The following CEMIP2 variants were observed in gnomAD, a reference collection of about 807,000 sequenced individuals.
CEMIP2 encodes cell surface hyaluronidase CEMIP2.
Under a neutral mutation model 146.9 loss-of-function variants are expected in CEMIP2, and 79 were observed. That is an observed-to-expected ratio of 0.54 (90% CI 0.45 to 0.65). The LOEUF (loss-of-function observed/expected upper bound fraction) is 0.65. Ranked by LOEUF, CEMIP2 falls within the 30% of genes least tolerant of loss-of-function variation. CEMIP2 has a pLI of 0.00. For synonymous variants in CEMIP2, 601 were observed against 606.3 expected, an observed-to-expected ratio of 0.99 and a Z score of 0.13; for missense variants, 1,596 against 1,696.2, an observed-to-expected ratio of 0.94 and a Z score of 1.04.
At chr9:71,728,836 T>TGTGTGC (rs1554684985) in intron 10 of CEMIP2, among the ~76,000 whole-genome samples, 205 of 151,610 alleles carry the variant, frequency 1.4e-3, no homozygotes, top group Admixed American at 3.1e-3. Flanking sequence ...TGTGTGTGTG[T>TGTGTGC]GTGTGTTTTT....
intron 11 of CEMIP2, among the ~76,000 whole-genome samples, chr9:71,722,841 TA>T (rs1451211721): frequency 6.6e-6 from 1 of 152,066 alleles, no homozygotes; most frequent in Non-Finnish European, 1.5e-5. Flanking sequence ...AATAAATAAT[TA>T]CAATCCAAAA....
Position 71,746,310 on chromosome 9 carries a change from C to G in CEMIP2, c.363G>C (p.Arg121Ser). 6.2e-7 allele frequency: 1 copy of G among 1,613,902 alleles called. No homozygotes were observed. Among genetic ancestry groups the G allele is most frequent in the Non-Finnish European group, 8.5e-7 (1 of 1,179,874 alleles). Residue 121 changes from arginine to serine, a missense_variant, in exon 3 of 24, where the codon AGG becomes AGC. Coordinates refer to ENST00000377044, the MANE Select transcript of CEMIP2 (RefSeq NM_013390.3). Reference sequence around the variant, plus strand: ...CAGAATCTTGTCCTGGATCCCAATTCCTGAGACGAGGATTTTGATCTGGGC... The same window carrying G: ...CAGAATCTTGTCCTGGATCCCAATTGCTGAGACGAGGATTTTGATCTGGGC... The part of the protein sequence containing the change: ...ENCPDQNPRL[R>S]NWDPGQDSAK...
intron 21 of CEMIP2, among the ~76,000 whole-genome samples, chr9:71,692,255 G>A (rs1822251078): frequency 1.3e-5 from 2 of 149,436 alleles, no homozygotes; most frequent in Non-Finnish European, 3.0e-5. Flanking sequence ...TAACAACAGA[G>A]TCAAACAATG....
rs111777728 is a variant in CEMIP2 at position 71,718,052 on chromosome 9, G to T, written c.2295C>A (p.Pro765=). The part of the protein sequence containing the change: ...ARFRPHQDAN[P]EKPRVAALID... ...TTAGAGCAGCAACACGTGGTTTTTC[G>T]GGGTTTGCATCCTGATGAGGTCGAA... The change falls in exon 13 of 24, where the codon CCC becomes CCA. Residue 765 remains proline, a synonymous_variant. Transcript: ENST00000377044. 2.5e-6 allele frequency: 4 copies of T among 1,612,184 alleles called. No individual in the cohort carries two copies. Among genetic ancestry groups the T allele is most frequent in the African/African-American group, 1.3e-5 (1 of 74,828 alleles).
chr9:71,752,474 A>AGGGAAGGG (rs1564025990), intron 1 of CEMIP2, among the ~76,000 whole-genome samples: 15 of 65,702 alleles, frequency 2.3e-4, no homozygotes, highest in South Asian at 1.0e-3. Context: ...GGAAGGAAGG[A>AGGGAAGGG]AGGAAGGGGG....
intron 1 of CEMIP2, among the ~76,000 whole-genome samples, chr9:71,755,069 A>G (rs1310509396): frequency 6.6e-6 from 1 of 152,154 alleles, no homozygotes; most frequent in Non-Finnish European, 1.5e-5. Flanking sequence ...AAGCAGTTCA[A>G]AGTGAGAGAG....
intron 10 of CEMIP2, among the ~76,000 whole-genome samples, 188 bp from the exon 11 acceptor site, chr9:71,725,897 A>T (rs11142977): frequency 0.53 from 80,200 of 151,880 alleles, 24,753 homozygotes; most frequent in Non-Finnish European, 0.69. Context: ...GTATTTTTTT[A>T]AAAAAGCAAA....
At chr9:71,716,232 C>A (rs1300318451) in intron 14 of CEMIP2, among the ~76,000 whole-genome samples, 1 of 151,848 alleles carries the variant, frequency 6.6e-6, no homozygotes, top group African/African-American at 2.4e-5. Context: ...CCTCTTTTTT[C>A]CCCTACTTTT....
At chr9:71,724,502 T>A (rs192978624) in intron 11 of CEMIP2, among the ~76,000 whole-genome samples, 7 of 152,204 alleles carry the variant, frequency 4.6e-5, no homozygotes, top group Admixed American at 4.6e-4. Context: ...CACACTTAGG[T>A]TTTTAAAGGA....
At position 71,685,240 on chromosome 9, in the gene CEMIP2, C is replaced by G; in HGVS notation, c.4109G>C (p.Arg1370Thr). 6.2e-7 allele frequency: 1 copy of G among 1,613,582 alleles called. No individual in the cohort carries two copies. Among genetic ancestry groups the G allele is most frequent in the Non-Finnish European group, 8.5e-7 (1 of 1,179,852 alleles). The change falls in exon 24 of 24, where the codon AGA becomes ACA. Residue 1370 changes from arginine (R) to threonine (T), a missense_variant. By Grantham distance (71) the Arg-to-Thr change is moderately conservative. Coordinates refer to ENST00000377044, the MANE Select transcript of CEMIP2 (RefSeq NM_013390.3). ...YGCPRATTVRRRDLELLKQAS... is the reference protein window; with the variant it reads ...YGCPRATTVRTRDLELLKQAS... The stretch of plus-strand genomic sequence containing the variant: ...TTGCTTTAGCAGTTCCAGGTCTCTT[C>G]TGCGGACAGTGGTGGCTCTGGGACA...
intron 2 of CEMIP2, among the ~76,000 whole-genome samples, chr9:71,748,592 G>T (rs910733747): frequency 2.0e-5 from 3 of 152,222 alleles, no homozygotes; most frequent in African/African-American, 7.2e-5. Context: ...CTGCAGAAGA[G>T]TTGGGAAGTA....
At chr9:71,737,662 T>A (rs528121386) in intron 5 of CEMIP2, among the ~76,000 whole-genome samples, 1 of 152,282 alleles carries the variant, frequency 6.6e-6, no homozygotes, top group East Asian at 1.9e-4. Context: ...TGAGTCACCG[T>A]ACCCGGCTCT....
At chr9:71,708,404 G>A (rs936586482) in intron 17 of CEMIP2, among the ~76,000 whole-genome samples, 3 of 152,124 alleles carry the variant, frequency 2.0e-5, no homozygotes, top group African/African-American at 7.2e-5. Context: ...TATGTGCCAG[G>A]CCATATGCTA....
In CEMIP2 at chr9:71,722,495, T is replaced by A; in HGVS notation, c.2199A>T (p.Lys733Asn). Residue 733 changes from lysine (K) to asparagine (N), a missense_variant, in exon 12 of 24, where the codon AAA becomes AAT. Coordinates refer to ENST00000377044, the MANE Select transcript of CEMIP2 (RefSeq NM_013390.3). ...SNFKAGLFID[K>N]GVKTTNSSAA... ...CACTAGAGTTGGTTGTTTTGACACC[T>A]TTGTCAATAAATAAGCCAGCCTGAA... The A allele has an allele frequency of 6.2e-7, 1 of 1,613,308 alleles. No homozygotes were observed. The highest frequency in any genetic ancestry group is 8.5e-7 in the Non-Finnish European group (1 of 1,179,570).
At chr9:71,767,320 G>C (rs1224683050) in intron 1 of CEMIP2, among the ~76,000 whole-genome samples, 2 of 152,016 alleles carry the variant, frequency 1.3e-5, no homozygotes, top group Admixed American at 1.3e-4. Flanking sequence ...ACTTTTTACC[G>C]GGAAGAGCAG....
At chr9:71,689,698 T>G (rs1822170622) in intron 22 of CEMIP2, among the ~76,000 whole-genome samples, 1 of 152,216 alleles carries the variant, frequency 6.6e-6, no homozygotes, top group African/African-American at 2.4e-5. Context: ...AAAATAGTAA[T>G]AAGCCTTCTG....
At chr9:71,768,019 G>A (rs528844333) in intron 1 of CEMIP2, among the ~76,000 whole-genome samples, 2 of 152,280 alleles carry the variant, frequency 1.3e-5, no homozygotes, top group South Asian at 4.1e-4. Flanking sequence ...GACTTTGAAA[G>A]GTCCATTGTT....
At chr9:71,748,855 G>A (rs552233373) in intron 2 of CEMIP2, among the ~76,000 whole-genome samples, 1 of 152,264 alleles carries the variant, frequency 6.6e-6, no homozygotes, top group East Asian at 1.9e-4. Context: ...AAGCACCCAA[G>A]AAAACTAAAT....
rs1167369905 is a variant in CEMIP2, at chr9:71,698,064, T to C, written c.3518A>G (p.Gln1173Arg). The C allele has an allele frequency of 6.8e-6, 11 of 1,614,200 alleles. No homozygotes were observed. The highest frequency in any genetic ancestry group is 9.3e-6 in the Non-Finnish European group (11 of 1,180,034). ...ISNCMAKAYP[Q>R]YYRKPSVVKR... is the part of the protein sequence containing the mutation. ...GACCACTGACGGCTTTCTGTAGTACTGTGGGTATGCTTTGGCCATGCAGTT... is the reference window on the plus strand; with the variant it reads ...GACCACTGACGGCTTTCTGTAGTACCGTGGGTATGCTTTGGCCATGCAGTT... The change falls in exon 20 of 24, where the codon CAG becomes CGG. Residue 1173 changes from glutamine to arginine, a missense_variant. Coordinates refer to ENST00000377044, the MANE Select transcript of CEMIP2 (RefSeq NM_013390.3).
Sources: allele counts gnomAD v4.1 joint callset (sites outside exome capture counted in the v4.1 genomes callset), GRCh38; gene constraint gnomAD v4.1.1; transcripts MANE v1.5; gene names NCBI Gene and HGNC (gene_info 2026-07-23, HGNC 2026-07-21).